Variants in HCRTR2 observed in about 807,000 individuals in gnomAD.
HCRTR2 encodes the protein orexin receptor type 2.
In HCRTR2, 22 loss-of-function variants were observed where a neutral mutation model predicts 49.0. That is an observed-to-expected ratio of 0.45 (90% CI 0.32 to 0.64). The LOEUF (loss-of-function observed/expected upper bound fraction) is 0.64, where lower values mean the gene tolerates loss of function less well. HCRTR2 is among the 30% of genes least tolerant of loss of function. The pLI is 0.04. For missense variants in HCRTR2, 491 were observed against 559.4 expected, an observed-to-expected ratio of 0.88 and a Z score of 1.23; for synonymous variants, 236 against 205.3, an observed-to-expected ratio of 1.15 and a Z score of -1.28.
intron 1 of HCRTR2, among the ~76,000 whole-genome samples, chr6:55,113,277 A>G (rs1764074975): frequency 6.6e-6 from 1 of 152,082 alleles, no homozygotes; most frequent in South Asian, 2.1e-4. Flanking sequence ...AGATAAATAG[A>G]TGAGACTTAA....
intron 3 of HCRTR2, among the ~76,000 whole-genome samples, 200 bp from the exon 4 acceptor site, chr6:55,263,507 A>G (rs1766806471): frequency 6.6e-6 from 1 of 152,158 alleles, no homozygotes; most frequent in African/African-American, 2.4e-5. Context: ...ACGACTTCAC[A>G]TTTGGCATGT....
intron 1 of HCRTR2, among the ~76,000 whole-genome samples, chr6:55,115,236 T>A (rs1416697708): frequency 6.6e-6 from 1 of 151,762 alleles, no homozygotes; most frequent in Non-Finnish European, 1.5e-5. Flanking sequence ...TCCAACCTAC[T>A]TATTCAATTT....
chr6:55,244,435 T>C (rs943473807), intron 1 of HCRTR2, among the ~76,000 whole-genome samples: 1 of 151,906 alleles, frequency 6.6e-6, no homozygotes, highest in African/African-American at 2.4e-5. Flanking sequence ...CTCTAGCTAA[T>C]GGTTACAACA....
intron 1 of HCRTR2, among the ~76,000 whole-genome samples, chr6:55,138,805 C>T (rs1167831678): frequency 6.6e-6 from 1 of 152,198 alleles, no homozygotes; most frequent in Non-Finnish European, 1.5e-5. Flanking sequence ...TGCTATATCT[C>T]TTTCCTCTCA....
At chr6:55,225,471 A>G (rs1264490753) in intron 1 of HCRTR2, among the ~76,000 whole-genome samples, 1 of 152,218 alleles carries the variant, frequency 6.6e-6, no homozygotes, top group Non-Finnish European at 1.5e-5. Context: ...ACAAAGGCAT[A>G]TGAGTTATCA....
intron 1 of HCRTR2, among the ~76,000 whole-genome samples, chr6:55,193,827 A>G (rs748396652): frequency 1.3e-5 from 2 of 152,124 alleles, no homozygotes; most frequent in African/African-American, 4.8e-5. Flanking sequence ...TGTGAATTCC[A>G]TTAATGGATA....
chr6:55,192,913 T>TG (rs1280952302), intron 1 of HCRTR2, among the ~76,000 whole-genome samples: 5 of 152,230 alleles, frequency 3.3e-5, no homozygotes, highest in African/African-American at 1.2e-4. Context: ...GGAGGTCTTT[T>TG]GGATAATGGC....
At chr6:55,113,937 T>C (rs188961602) in intron 1 of HCRTR2, among the ~76,000 whole-genome samples, 2 of 151,886 alleles carry the variant, frequency 1.3e-5, no homozygotes, top group East Asian at 3.9e-4. Flanking sequence ...ATTTGGTATA[T>C]ATAATGGAAT....
intron 1 of HCRTR2, among the ~76,000 whole-genome samples, chr6:55,239,887 C>T (rs2127305029): frequency 6.6e-6 from 1 of 151,058 alleles, no homozygotes; most frequent in African/African-American, 2.4e-5. Flanking sequence ...AAGCGATTCT[C>T]CCGCCTTAGC....
chr6:55,136,518 A>G (rs1364377472), intron 1 of HCRTR2, among the ~76,000 whole-genome samples: 1 of 152,226 alleles, frequency 6.6e-6, no homozygotes, highest in Non-Finnish European at 1.5e-5. Context: ...TATGAATTGA[A>G]TATAAATTAC....
chr6:55,194,588 A>G (rs1243502980), intron 1 of HCRTR2, among the ~76,000 whole-genome samples: 4 of 152,134 alleles, frequency 2.6e-5, no homozygotes, highest in Non-Finnish European at 4.4e-5. Flanking sequence ...CTACTTCACC[A>G]TCAATACTAT....
rs1351034378 is a variant in HCRTR2 at position 55,263,886 on chromosome 6, C to T, written c.762+64C>T. 5 of 1,007,780 alleles carry T rather than the reference C, an allele frequency of 5.0e-6. No individual in the cohort carries two copies. The East Asian group carries it at 1.3e-4, about 25-fold the overall frequency. The allele number at this position is 1,007,780 out of a possible 1,614,324, so 62.4% of individuals were successfully genotyped here. On this transcript the variant is annotated intron_variant, in intron 4 of 6. Coordinates refer to ENST00000370862, the MANE Select transcript of HCRTR2 (RefSeq NM_001384272.1). ...ACACATAATTTGTTATTTGTTATTC[C>T]TTCCAAATATTTTGTCTGTGCTTTT...
chr6:55,155,486 A>AT (rs1339027117), intron 1 of HCRTR2, among the ~76,000 whole-genome samples: 25 of 152,148 alleles, frequency 1.6e-4, no homozygotes, highest in African/African-American at 6.0e-4. Flanking sequence ...TCACATCATT[A>AT]CTAGCAATCT....
intron 1 of HCRTR2, among the ~76,000 whole-genome samples, chr6:55,201,988 A>G (rs2127284934): frequency 6.6e-6 from 1 of 152,320 alleles, no homozygotes; most frequent in South Asian, 2.1e-4. Context: ...TAAGAATGTT[A>G]TATTCTTAGA....
At chr6:55,216,558 C>G (rs3122155) in intron 1 of HCRTR2, among the ~76,000 whole-genome samples, 124,117 of 152,216 alleles carry the variant, frequency 0.82, 51,410 homozygotes, top group African/African-American at 0.95. Flanking sequence ...CCCCAAGCAA[C>G]TCTTTAACAC....
intron 1 of HCRTR2, among the ~76,000 whole-genome samples, chr6:55,187,149 G>A (rs1175416753): frequency 6.6e-6 from 1 of 151,974 alleles, no homozygotes; most frequent in African/African-American, 2.4e-5. Flanking sequence ...GCTCATGCCT[G>A]TAATCCCAGC....
chr6:55,182,214 G>A (rs552317699), intron 1 of HCRTR2, among the ~76,000 whole-genome samples: 34 of 152,254 alleles, frequency 2.2e-4, no homozygotes, highest in Non-Finnish European at 3.4e-4. Flanking sequence ...TTCCAATATG[G>A]CTTCCAATGA....
intron 1 of HCRTR2, among the ~76,000 whole-genome samples, chr6:55,215,446 A>G (rs1345917664): frequency 6.6e-6 from 1 of 152,204 alleles, no homozygotes; most frequent in East Asian, 1.9e-4. Context: ...GTTCAAGTTG[A>G]AATAAAAGAA....
intron 1 of HCRTR2, among the ~76,000 whole-genome samples, chr6:55,185,227 A>G (rs1765197284): frequency 6.6e-6 from 1 of 152,222 alleles, no homozygotes; most frequent in South Asian, 2.1e-4. Flanking sequence ...CTGGTTCAGG[A>G]AAATAACTTC....
Sources: allele counts gnomAD v4.1 joint callset (sites outside exome capture counted in the v4.1 genomes callset), GRCh38; gene constraint gnomAD v4.1.1; transcripts MANE v1.5; gene names NCBI Gene and HGNC (gene_info 2026-07-23, HGNC 2026-07-21).